Variants in CDC42EP1 observed in about 807,000 individuals in gnomAD.
CDC42EP1 encodes CDC42 effector protein 1.
Under a neutral mutation model 7.4 loss-of-function variants are expected in CDC42EP1, and 6 were observed. The ratio of observed to expected loss-of-function variants is 0.81; its 90% CI spans 0.44 to 1.60. The LOEUF is 1.60. Ranked by LOEUF, CDC42EP1 falls within the 40% of genes most tolerant of loss-of-function variation. The pLI is 0.01. For synonymous variants in CDC42EP1, 238 were observed against 227.1 expected (o/e 1.05, Z -0.43); for missense variants, 567 against 539.0 (o/e 1.05, Z -0.51).
At chr22:37,560,917 A>G (rs765041231) in intron 1 of CDC42EP1, among the ~76,000 whole-genome samples, 2 of 145,040 alleles carry the variant, frequency 1.4e-5, no homozygotes, top group African/African-American at 5.2e-5. Context: ...GCGCGGGGGA[A>G]GGAAGGGCCG....
In CDC42EP1 at chr22:37,566,571, C is replaced by A; in HGVS notation, c.222C>A (p.Thr74=). The A allele has an allele frequency of 1.9e-6, 3 of 1,606,048 alleles. No individual in the cohort carries two copies. The highest frequency in any genetic ancestry group is 2.6e-6 in the Non-Finnish European group (3 of 1,174,412). The change falls in exon 2 of 3, where the codon ACC becomes ACA. Residue 74 remains threonine (T), a synonymous_variant. Transcript: ENST00000249014. This position sits in a 1 kb window ranked among gnomAD's most constrained non-coding sequence, Gnocchi z 6.4. Reference sequence around the variant, plus strand: ...ACCACGGTGGCAGCTCCGGGAGCACCCATCGCTCACCCCGCAGCTTCCTGG... The same window carrying A: ...ACCACGGTGGCAGCTCCGGGAGCACACATCGCTCACCCCGCAGCTTCCTGG... The part of the protein sequence containing the change: ...LSNHGGSSGS[T]HRSPRSFLAK...
chr22:37,569,167 G>A lies in CDC42EP1; in HGVS notation c.*347G>A, dbSNP rs1925394997. 5.1e-6 allele frequency: 1 copy of A among 195,046 alleles called. No homozygotes were observed. The highest frequency in any genetic ancestry group is 1.0e-5 in the Non-Finnish European group (1 of 96,758). The allele number at this position is 195,046 out of a possible 1,614,324, so 12.1% of individuals were successfully genotyped here. The stretch of plus-strand genomic sequence containing the variant: ...GCCCGTGGGGGGTGGGGGGCAGGGA[G>A]TGTACCACACAGGGCCATTGTCTCA... On this transcript the variant is annotated 3_prime_UTR_variant, in exon 3 of 3. Transcript: ENST00000249014.
rs1199428088 is a variant in CDC42EP1, at chr22:37,569,280, A to T, written c.*460A>T. ...CCGTCTCCCAGGCCGCTTCCCCAAC[A>T]TCCCCGCCCCAGCCTCCCTCTTACC... On this transcript the variant is annotated 3_prime_UTR_variant, in exon 3 of 3. Transcript: ENST00000249014. The T allele has an allele frequency of 2.0e-5, 3 of 153,388 alleles. No homozygotes were observed. Among genetic ancestry groups the T allele is most frequent in the African/African-American group, 7.3e-5 (3 of 41,366 alleles). 9.5% of individuals were successfully genotyped at this position (153,388 alleles called of 1,614,324 possible). A position where few individuals can be genotyped will look rare whatever the true frequency, so the allele number is the denominator to read the frequency against.
At chr22:37,567,545 C>T (rs1925289377) in intron 2 of CDC42EP1, among the ~76,000 whole-genome samples, 1 of 152,206 alleles carries the variant, frequency 6.6e-6, no homozygotes, top group South Asian at 2.1e-4. Flanking sequence ...CCCCAGGCGG[C>T]TGCTCAGAAC....
chr22:37,560,768 G>A (rs1056158160), intron 1 of CDC42EP1, among the ~76,000 whole-genome samples, 180 bp downstream of exon 1: 1 of 151,902 alleles, frequency 6.6e-6, no homozygotes, highest in Non-Finnish European at 1.5e-5. Context: ...AGCCGCGCGA[G>A]GAAACTCCGA....
At chr22:37,562,030 G>A (rs1467956975) in intron 1 of CDC42EP1, among the ~76,000 whole-genome samples, 2 of 152,162 alleles carry the variant, frequency 1.3e-5, no homozygotes, top group Non-Finnish European at 2.9e-5. Flanking sequence ...GGACACTGAG[G>A]CTGTGTGGTG....
At position 37,566,194 on chromosome 22, in the gene CDC42EP1, C is replaced by T. The variant is rs1157614005; in HGVS notation, c.-156C>T. ...CCCTGGGAGAGACGAGCCATGAACC[C>T]CCCACAGCCTCTGCATTTGGGGACC... On this transcript the variant is annotated 5_prime_UTR_variant, in exon 2 of 3. Transcript: ENST00000249014. This position sits in a 1 kb window ranked among gnomAD's most constrained non-coding sequence, Gnocchi z 6.4. 3.9e-6 allele frequency: 2 copies of T among 513,862 alleles called. No individual in the cohort carries two copies. Among genetic ancestry groups the T allele is most frequent in the Non-Finnish European group, 6.8e-6 (2 of 293,040 alleles). 31.8% of individuals were successfully genotyped at this position (513,862 alleles called of 1,614,324 possible). A position where few individuals can be genotyped will look rare whatever the true frequency, so the allele number is the denominator to read the frequency against.
At chr22:37,567,016 G>A (rs773259217) in intron 2 of CDC42EP1, among the ~76,000 whole-genome samples, 26 of 152,340 alleles carry the variant, frequency 1.7e-4, no homozygotes, top group Non-Finnish European at 2.2e-4. Context: ...AGGAGGTGGA[G>A]TTTGAATTCT....
At position 37,568,996 on chromosome 22, in the gene CDC42EP1, T is replaced by A. The variant is rs1341667368; in HGVS notation, c.*176T>A. The A allele has an allele frequency of 2.3e-6, 1 of 436,762 alleles. No homozygotes were observed. Among genetic ancestry groups the A allele is most frequent in the South Asian group, 9.9e-5 (1 of 10,070 alleles). 27.1% of individuals were successfully genotyped at this position (436,762 alleles called of 1,614,324 possible). A position where few individuals can be genotyped will look rare whatever the true frequency, so the allele number is the denominator to read the frequency against. Reference sequence around the variant, plus strand: ...GAAGGCCAGGCTTGCTCTGGGACTTTTATGCTCCCAGAGGCCCTGCCAAAC... The same window carrying A: ...GAAGGCCAGGCTTGCTCTGGGACTTATATGCTCCCAGAGGCCCTGCCAAAC... On this transcript the variant is annotated 3_prime_UTR_variant, in exon 3 of 3. Transcript: ENST00000249014.
intron 2 of CDC42EP1, 71 bp from the exon 3 acceptor site, chr22:37,568,037 G>C (rs1925307667): frequency 7.3e-7 from 1 of 1,361,086 alleles, no homozygotes; most frequent in Admixed American, 1.9e-5. Flanking sequence ...AGCCAGGACT[G>C]GTCCTGTCTC....
chr22:37,566,310 CTGGT>C lies in CDC42EP1; in HGVS notation c.-39_-36del. The C allele has an allele frequency of 8.4e-7, 1 of 1,196,778 alleles. No individual in the cohort carries two copies. The allele number at this position is 1,196,778 out of a possible 1,614,324, so 74.1% of individuals were successfully genotyped here. ...CCAGCCCACCTCCCTCCCCCGGCCCCTGGTAGGCATGGACTAGCAGCTGTGAGCA... is the reference window on the plus strand; with the variant it reads ...CCAGCCCACCTCCCTCCCCCGGCCCCAGGCATGGACTAGCAGCTGTGAGCA... On this transcript the variant is annotated 5_prime_UTR_variant, in exon 2 of 3. Transcript: ENST00000249014. This position sits in a 1 kb window ranked among gnomAD's most constrained non-coding sequence, Gnocchi z 6.4.
chr22:37,561,410 G>C (rs967472869), intron 1 of CDC42EP1, among the ~76,000 whole-genome samples: 1 of 152,214 alleles, frequency 6.6e-6, no homozygotes, highest in African/African-American at 2.4e-5. Context: ...GGCTGGTTCG[G>C]CTCTAACTCG....
Position 37,566,752 on chromosome 22 carries a change from G to T in CDC42EP1, c.403G>T (p.Val135Phe). ...CCAGGCCGCCTACGACAGCCTCGTG[G>T]TTGGCAAGCTCAGCTTCGACAGCAG... ...LNQAAYDSLV[V>F]GKLSFDSSPT... The change falls in exon 2 of 3, where the codon GTT (valine) becomes TTT (phenylalanine). Residue 135 changes from valine (V) to phenylalanine (F), a missense_variant. By Grantham distance (50) the Val-to-Phe change is conservative (BLOSUM62 -1). Coordinates refer to ENST00000249014, the MANE Select transcript of CDC42EP1 (RefSeq NM_152243.3). This position sits in a 1 kb window ranked among gnomAD's most constrained non-coding sequence, Gnocchi z 6.4. 2 of 1,604,494 alleles carry T rather than the reference G, an allele frequency of 1.2e-6. No homozygotes were observed. The highest frequency in any genetic ancestry group is 1.3e-5 in the African/African-American group (1 of 74,740).
intron 1 of CDC42EP1, among the ~76,000 whole-genome samples, chr22:37,564,857 C>A (rs1925170316): frequency 6.6e-6 from 1 of 152,198 alleles, no homozygotes; most frequent in African/African-American, 2.4e-5. Context: ...CGGCTCACTG[C>A]AACCTCTGCC....
In CDC42EP1 at chr22:37,569,197, C is replaced by A. The variant is rs572007045; in HGVS notation, c.*377C>A. 4.4e-4 allele frequency: 74 copies of A among 169,776 alleles called. No individual in the cohort carries two copies. Among genetic ancestry groups the A allele is most frequent in the African/African-American group, 1.7e-3 (72 of 42,284 alleles). The allele number at this position is 169,776 out of a possible 1,614,324, so 10.5% of individuals were successfully genotyped here. On this transcript the variant is annotated 3_prime_UTR_variant, in exon 3 of 3. Coordinates refer to ENST00000249014, the MANE Select transcript of CDC42EP1 (RefSeq NM_152243.3). ...CCACACAGGGCCATTGTCTCACCTCCCAAAGGGACCGCCTGCCCCCAGCTC... is the reference window on the plus strand; with the variant it reads ...CCACACAGGGCCATTGTCTCACCTCACAAAGGGACCGCCTGCCCCCAGCTC...
intron 1 of CDC42EP1, chr22:37,564,690 T>C (rs776066897): frequency 6.6e-6 from 1 of 152,548 alleles, no homozygotes; most frequent in Admixed American, 6.5e-5. Flanking sequence ...TTTCACCATT[T>C]CTTACTACGT....
chr22:37,568,224 T>C lies in CDC42EP1; in HGVS notation c.580T>C (p.Leu194=), dbSNP rs73418183. The change falls in exon 3 of 3, where the codon TTG becomes CTG. Residue 194 remains leucine (L), a synonymous_variant. Transcript: ENST00000249014. The part of the protein sequence containing the change: ...EPGLRRSDSL[L]SFRLDLDLGP... ...CGGGCTTCGCCGCTCTGACTCTCTC[T>C]TGTCCTTCCGCCTGGACCTCGACCT... The C allele has an allele frequency of 3.6e-3, 5,793 of 1,613,876 alleles. 194 individuals are homozygous for C. The African/African-American group carries it at 0.068, about 19-fold the overall frequency.
Position 37,566,772 on chromosome 22 carries a change from C to G in CDC42EP1, c.423C>G (p.Asp141Glu). 6.3e-7 allele frequency: 1 copy of G among 1,585,340 alleles called. No individual in the cohort carries two copies. Among genetic ancestry groups the G allele is most frequent in the Non-Finnish European group, 8.6e-7 (1 of 1,166,266 alleles). ...DSLVVGKLSF[D>E]SSPTSSTDGH... The stretch of plus-strand genomic sequence containing the variant: ...TCGTGGTTGGCAAGCTCAGCTTCGA[C>G]AGCAGCCCCACCAGCTCCACGGACG... The change falls in exon 2 of 3, where the codon GAC becomes GAG. Residue 141 changes from aspartate to glutamate, a missense_variant. Coordinates refer to ENST00000249014, the MANE Select transcript of CDC42EP1 (RefSeq NM_152243.3). The surrounding 1 kb of genome is among the most constrained non-coding windows in gnomAD (Gnocchi z 6.4).
At position 37,566,586 on chromosome 22, in the gene CDC42EP1, C is replaced by T. The variant is rs373648442; in HGVS notation, c.237C>T (p.Arg79=). ...CCGGGAGCACCCATCGCTCACCCCG[C>T]AGCTTCCTGGCCAAGAAGCTGCAGC... ...GSSGSTHRSP[R]SFLAKKLQLV... is the part of the protein sequence containing the mutation. The change falls in exon 2 of 3, where the codon CGC becomes CGT. Residue 79 remains arginine (R), a synonymous_variant. Coordinates refer to ENST00000249014, the MANE Select transcript of CDC42EP1 (RefSeq NM_152243.3). This position sits in a 1 kb window ranked among gnomAD's most constrained non-coding sequence, Gnocchi z 6.4. 1.9e-6 allele frequency: 3 copies of T among 1,602,656 alleles called. No individual in the cohort carries two copies. The highest frequency in any genetic ancestry group is 8.5e-7 in the Non-Finnish European group (1 of 1,172,308).
Sources: allele counts gnomAD v4.1 joint callset (sites outside exome capture counted in the v4.1 genomes callset), GRCh38; gene constraint gnomAD v4.1.1; non-coding constraint Gnocchi (gnomAD v3.1); transcripts MANE v1.5; gene names NCBI Gene and HGNC (gene_info 2026-07-23, HGNC 2026-07-21).